UBE2E1: variants seen among roughly 807,000 people sequenced by gnomAD.
UBE2E1 encodes the protein ubiquitin-conjugating enzyme E2 E1.
A neutral mutation model predicts 21.4 loss-of-function variants in UBE2E1; 6 were observed. That is an observed-to-expected ratio of 0.28 (90% CI 0.15 to 0.55). The LOEUF (loss-of-function observed/expected upper bound fraction) is 0.55. Ranked by LOEUF, UBE2E1 falls within the 20% of genes least tolerant of loss-of-function variation. UBE2E1 has a pLI of 0.93. For missense variants in UBE2E1, 142 were observed against 236.5 expected (o/e 0.60, Z 2.62); for synonymous variants, 87 against 82.7 (o/e 1.05, Z -0.28).
intron 1 of UBE2E1, 112 bp from the exon 2 acceptor site, chr3:23,807,125 G>T: frequency 1.2e-6 from 1 of 806,168 alleles, no homozygotes; most frequent in Non-Finnish European, 1.9e-6. Flanking sequence ...AGTGGAGGGC[G>T]GTGGGCGGCC....
In UBE2E1 at chr3:23,878,908, C is replaced by T. The variant is rs1391784082; in HGVS notation, c.204-8659C>T. The T allele has an allele frequency of 8.5e-6, 3 of 352,906 alleles. No homozygotes were observed. In the East Asian group the frequency reaches 2.2e-4, roughly 25 times the overall value. 21.9% of individuals were successfully genotyped at this position (352,906 alleles called of 1,614,324 possible). On this transcript the variant is annotated intron_variant, in intron 3 of 5. Transcript: ENST00000306627. ...ATGCACTTGAATCATCCCAAACCAT[C>T]CCACCCCCCATCTGTGGAAAAATTG...
chr3:23,843,113 A>AT (rs1489438462), intron 3 of UBE2E1, among the ~76,000 whole-genome samples: 4 of 151,356 alleles, frequency 2.6e-5, no homozygotes, highest in Non-Finnish European at 2.9e-5. Flanking sequence ...TTCAAGGACA[A>AT]TTTTTTTCAG....
rs547748718 is a variant in UBE2E1 at position 23,853,563 on chromosome 3, A to G, written c.204-34004A>G. Among the ~76,000 whole-genome samples, 1 of 152,044 alleles carries G rather than the reference A, an allele frequency of 6.6e-6. No individual in the cohort carries two copies. Among genetic ancestry groups the G allele is most frequent in the African/African-American group, 2.4e-5 (1 of 41,476 alleles). On this transcript the variant is annotated intron_variant, in intron 3 of 5. Transcript: ENST00000306627. The surrounding 1 kb of genome is among the most constrained non-coding windows in gnomAD (Gnocchi z 4.1). ...GTTGTTTTTTTTTAATATAAGTTTT[A>G]TGGTTTTAGCTGTTAAATTTAGGTC...
At chr3:23,865,515 C>T (rs1460895251) in intron 3 of UBE2E1, among the ~76,000 whole-genome samples, 1 of 152,170 alleles carries the variant, frequency 6.6e-6, no homozygotes, top group East Asian at 1.9e-4. Flanking sequence ...CCACCATGCC[C>T]GGCTGTGTTT....
chr3:23,813,415 G>A (rs1643217309), intron 3 of UBE2E1, among the ~76,000 whole-genome samples: 2 of 152,146 alleles, frequency 1.3e-5, no homozygotes, highest in African/African-American at 4.8e-5. Context: ...ATGTTATATA[G>A]TAGTCCCAAT....
intron 3 of UBE2E1, among the ~76,000 whole-genome samples, chr3:23,871,106 T>C (rs918997886): frequency 6.6e-6 from 1 of 152,200 alleles, no homozygotes; most frequent in Non-Finnish European, 1.5e-5. Context: ...AACCATCCGA[T>C]TTCTCAATCT....
chr3:23,884,178 T>TA (rs1701122380), intron 3 of UBE2E1, among the ~76,000 whole-genome samples: 1 of 151,938 alleles, frequency 6.6e-6, no homozygotes, highest in Non-Finnish European at 1.5e-5. Flanking sequence ...TCTTTTCTGT[T>TA]TTGTCTACTT....
intron 3 of UBE2E1, among the ~76,000 whole-genome samples, chr3:23,829,396 A>G (rs60314392): frequency 0.015 from 2,305 of 151,204 alleles, 69 homozygotes; most frequent in African/African-American, 0.054. Flanking sequence ...CTAAGCTCAG[A>G]TGATCCTCCT....
chr3:23,882,503 C>G (rs1430966822), intron 3 of UBE2E1, among the ~76,000 whole-genome samples: 2 of 152,272 alleles, frequency 1.3e-5, no homozygotes, highest in African/African-American at 4.8e-5. Context: ...GCGGGCGGAG[C>G]TGCCCGCCAG....
intron 3 of UBE2E1, among the ~76,000 whole-genome samples, chr3:23,857,058 C>G (rs1700458623): frequency 1.3e-5 from 2 of 149,564 alleles, no homozygotes; most frequent in South Asian, 4.2e-4. Context: ...TTGAGCCTGG[C>G]AGGTCTTTGG....
intron 3 of UBE2E1, among the ~76,000 whole-genome samples, chr3:23,832,891 C>G (rs568631345): frequency 6.6e-6 from 1 of 151,620 alleles, no homozygotes; most frequent in Non-Finnish European, 1.5e-5. Flanking sequence ...AAAAAATAAT[C>G]CAGGTGTGGT....
At chr3:23,846,130 AT>A (rs1291105728) in intron 3 of UBE2E1, among the ~76,000 whole-genome samples, 2 of 152,232 alleles carry the variant, frequency 1.3e-5, no homozygotes, top group Non-Finnish European at 2.9e-5. Flanking sequence ...AGTAACATGA[AT>A]TTTCAGTACC....
At chr3:23,858,404 C>T (rs1700484096) in intron 3 of UBE2E1, among the ~76,000 whole-genome samples, 1 of 152,168 alleles carries the variant, frequency 6.6e-6, no homozygotes, top group Non-Finnish European at 1.5e-5. Context: ...ACTGCAACCT[C>T]TGCCTCCTGG....
At chr3:23,830,291 T>C (rs1699841430) in intron 3 of UBE2E1, among the ~76,000 whole-genome samples, 2 of 152,176 alleles carry the variant, frequency 1.3e-5, no homozygotes, top group Admixed American at 1.3e-4. Flanking sequence ...ATATGTATTA[T>C]AAATAGATTT....
rs904179970 is a variant in UBE2E1, at chr3:23,887,231, A to G, written c.204-336A>G. ...GCAAAAACTGCTCGCATTTGTCACT[A>G]ATTTCGCTTCTAGGTGCTGAGATGT... On this transcript the variant is annotated intron_variant, in intron 3 of 5. Coordinates refer to ENST00000306627, the MANE Select transcript of UBE2E1 (RefSeq NM_003341.5). This position sits in a 1 kb window ranked among gnomAD's most constrained non-coding sequence, Gnocchi z 4.4. 1.3e-5 allele frequency among the ~76,000 whole-genome samples: 2 copies of G among 152,198 alleles called. No individual in the cohort carries two copies. The highest frequency in any genetic ancestry group is 4.8e-5 in the African/African-American group (2 of 41,456).
At chr3:23,819,209 G>A (rs188082091) in intron 3 of UBE2E1, among the ~76,000 whole-genome samples, 22 of 152,182 alleles carry the variant, frequency 1.4e-4, no homozygotes, top group Non-Finnish European at 3.1e-4. Flanking sequence ...GCTTGAACCC[G>A]GGAGACAGGG....
intron 3 of UBE2E1, among the ~76,000 whole-genome samples, chr3:23,814,632 G>A (rs1013874806): frequency 6.6e-5 from 10 of 152,162 alleles, no homozygotes; most frequent in Admixed American, 6.5e-4. Context: ...TCCCTAAAGC[G>A]TGCCAGATCT....
Position 23,869,663 on chromosome 3 carries a change from C to T in UBE2E1, c.204-17904C>T, listed in dbSNP as rs561526852. Among the ~76,000 whole-genome samples, 42 of 137,514 alleles carry T rather than the reference C, an allele frequency of 3.1e-4. No homozygotes were observed. The South Asian group carries it at 8.3e-3, about 27-fold the overall frequency. 90.2% of individuals were successfully genotyped at this position (137,514 alleles called of 152,430 possible). ...CAGCACTTTGGGAGGCTGAGGCAGT[C>T]GGAGATTGCTTGAGCTCAGGGGTTC... is the stretch of plus-strand genomic sequence containing the variant. On this transcript the variant is annotated intron_variant, in intron 3 of 5. Transcript: ENST00000306627.
intron 3 of UBE2E1, among the ~76,000 whole-genome samples, chr3:23,814,503 T>C (rs1699469451): frequency 6.6e-6 from 1 of 152,096 alleles, no homozygotes; most frequent in South Asian, 2.1e-4. Flanking sequence ...TGTATATATA[T>C]GCATACACAC....
Sources: gnomAD v4.1 joint callset for allele counts (sites outside exome capture counted in the v4.1 genomes callset) on GRCh38, gnomAD v4.1.1 for gene constraint, Gnocchi (gnomAD v3.1) non-coding constraint, MANE v1.5 for transcripts, NCBI Gene and HGNC (gene_info 2026-07-23, HGNC 2026-07-21) for gene names.